Variants in TMEM116 observed in about 807,000 individuals in gnomAD.
TMEM116 encodes the protein transmembrane protein 116.
A neutral mutation model predicts 44.3 loss-of-function variants in TMEM116; 38 were observed. That is an observed-to-expected ratio of 0.86 (90% CI 0.66 to 1.12). TMEM116 has a LOEUF of 1.12. TMEM116 is among the 50% of genes most tolerant of loss of function. The pLI is 0.00. For synonymous variants in TMEM116, 132 were observed against 144.8 expected (o/e 0.91, Z 0.64); for missense variants, 354 against 401.7 (o/e 0.88, Z 1.01).
At chr12:111,966,009 T>C (rs12306814) in intron 4 of TMEM116, among the ~76,000 whole-genome samples, 29,841 of 151,254 alleles carry the variant, frequency 0.2, 3,146 homozygotes, top group Middle Eastern at 0.28. Context: ...CCTCATTTGT[T>C]TAAGAAGAAA....
intron 4 of TMEM116, among the ~76,000 whole-genome samples, chr12:111,952,728 C>T (rs535994953): frequency 6.6e-6 from 1 of 152,294 alleles, no homozygotes; most frequent in East Asian, 1.9e-4. Context: ...GTACTGGATG[C>T]TTCCTCTTCT....
rs2072326858 is a variant in TMEM116 at position 111,938,166 on chromosome 12, G to A, written c.360C>T (p.Phe120=). The change falls in exon 6 of 11, where the codon TTC becomes TTT. Residue 120 remains phenylalanine (F), a synonymous_variant. Transcript: ENST00000552374. ...TCRVCQMAFV[F]SSLIPLLLMT... is the part of the protein sequence containing the mutation. ...AAGTAAAGAAAAAATTTTACCTTGA[G>A]AAAACAAAGGCCATTTGACAAACTC... 7.5e-6 allele frequency: 12 copies of A among 1,594,984 alleles called. No individual in the cohort carries two copies. The highest frequency in any genetic ancestry group is 1.0e-5 in the Non-Finnish European group (12 of 1,171,876).
intron 4 of TMEM116, 120 bp downstream of exon 4, chr12:111,991,638 G>T: frequency 2.0e-6 from 2 of 987,454 alleles, no homozygotes; most frequent in Non-Finnish European, 2.7e-6. Context: ...AAAAGCTATT[G>T]TTTCAAAATG....
chr12:111,991,593 T>C (rs1352883146), intron 4 of TMEM116, among the ~76,000 whole-genome samples, 165 bp downstream of exon 4: 1 of 152,064 alleles, frequency 6.6e-6, no homozygotes, highest in East Asian at 1.9e-4. Flanking sequence ...TTTCAAAATA[T>C]TCTATAATAT....
At chr12:111,987,683 CA>C (rs533656981) in intron 4 of TMEM116, among the ~76,000 whole-genome samples, 86 of 152,028 alleles carry the variant, frequency 5.7e-4, no homozygotes, top group Middle Eastern at 3.4e-3. Flanking sequence ...ACTTAAAAAA[CA>C]AAAAAACAGC....
chr12:111,996,438 C>T (rs1243966724), intron 3 of TMEM116, among the ~76,000 whole-genome samples: 1 of 151,776 alleles, frequency 6.6e-6, no homozygotes, highest in Non-Finnish European at 1.5e-5. Context: ...GCAAATATGC[C>T]CTACTTTATT....
intron 4 of TMEM116, among the ~76,000 whole-genome samples, chr12:111,968,992 C>CAAAAAAA (rs1176204219): frequency 4.4e-5 from 2 of 45,156 alleles, no homozygotes; most frequent in Non-Finnish European, 9.0e-5. Context: ...GACTCTATCT[C>CAAAAAAA]AAAAAAAAAA....
In TMEM116 at chr12:112,005,183, G is replaced by A. The variant is rs941544833; in HGVS notation, c.14+74C>T. ...AAGAGTAAAAGCAAATCCCCAAGGG[G>A]GAAATGTGGAAAACTACAGAATTGA... On this transcript the variant is annotated intron_variant, in intron 2 of 10. Transcript: ENST00000552374. 4.9e-6 allele frequency: 5 copies of A among 1,019,218 alleles called. No homozygotes were observed. In the African/African-American group the frequency reaches 5.2e-5, roughly 11 times the overall value. The allele number at this position is 1,019,218 out of a possible 1,614,324, so 63.1% of individuals were successfully genotyped here.
At chr12:111,984,323 G>T (rs1430423677) in intron 4 of TMEM116, among the ~76,000 whole-genome samples, 11 of 152,008 alleles carry the variant, frequency 7.2e-5, no homozygotes, top group Admixed American at 7.2e-4. Flanking sequence ...GGCACAGAAA[G>T]GCAACCATCG....
chr12:111,968,131 T>C (rs1382481710), intron 4 of TMEM116, among the ~76,000 whole-genome samples: 1 of 152,284 alleles, frequency 6.6e-6, no homozygotes, highest in East Asian at 1.9e-4. Context: ...TTGCAAGATC[T>C]ACTGACTGGC....
rs1465753696 is a variant in TMEM116, at chr12:111,991,851, G to A, written c.117C>T (p.Leu39=). The A allele has an allele frequency of 1.3e-6, 2 of 1,536,088 alleles. No individual in the cohort carries two copies. The highest frequency in any genetic ancestry group is 2.0e-5 in the Admixed American group (1 of 50,968). The change falls in exon 4 of 11, where the codon CTC becomes CTT. Residue 39 remains leucine (L), a synonymous_variant. Coordinates refer to ENST00000552374, the MANE Select transcript of TMEM116 (RefSeq NM_001193531.2). ...TCTCCGTGAGCCAGCAAAGTCCCAG[G>A]AGCAGGTCACAGAAGCTCAGATAAA... The part of the protein sequence containing the change: ...PLFYLSFCDL[L]LGLCWLTETL...
intron 4 of TMEM116, among the ~76,000 whole-genome samples, chr12:111,987,415 G>A (rs1312164052): frequency 1.3e-5 from 2 of 151,280 alleles, no homozygotes; most frequent in Non-Finnish European, 2.9e-5. Flanking sequence ...TGAGGCAGGA[G>A]AATCACTAGA....
In TMEM116 at chr12:111,939,880, C is replaced by CTGTGTGTGTGTGTGTG. The variant is rs61322648; in HGVS notation, c.316-1686_316-1671dup. Among the ~76,000 whole-genome samples, 103 of 130,454 alleles carry CTGTGTGTGTGTGTGTG rather than the reference C, an allele frequency of 7.9e-4. 1 individual carries two copies. The highest frequency in any genetic ancestry group is 1.4e-3 in the African/African-American group (49 of 35,044). 85.6% of individuals were successfully genotyped at this position (130,454 alleles called of 152,430 possible). Reference sequence around the variant, plus strand: ...AAGAAGAAAAAGTATCTTCAAAGCTCTGTGTGTGTGTGTGTGTGTGTGTGT... The same window carrying CTGTGTGTGTGTGTGTG: ...AAGAAGAAAAAGTATCTTCAAAGCTCTGTGTGTGTGTGTGTGTGTGTGTGTGTGTGTGTGTGTGTGT... On this transcript the variant is annotated intron_variant, in intron 5 of 10. Transcript: ENST00000552374.
At chr12:111,939,079 A>G (rs1013807865) in intron 5 of TMEM116, among the ~76,000 whole-genome samples, 1 of 152,098 alleles carries the variant, frequency 6.6e-6, no homozygotes, top group Admixed American at 6.5e-5. Context: ...TCCCTTCTTC[A>G]CTTTTTATTC....
chr12:112,004,316 C>T (rs532999524), intron 2 of TMEM116, among the ~76,000 whole-genome samples: 3 of 151,564 alleles, frequency 2.0e-5, no homozygotes, highest in African/African-American at 4.8e-5. Flanking sequence ...GCAGGGTCTC[C>T]TTCTGTCACC....
rs1485677475 is a variant in TMEM116 at position 111,974,139 on chromosome 12, A to C, written c.210+17619T>G. 1.3e-5 allele frequency among the ~76,000 whole-genome samples: 2 copies of C among 152,054 alleles called. 1 individual carries two copies. Among genetic ancestry groups the C allele is most frequent in the South Asian group, 4.1e-4 (2 of 4,828 alleles). On this transcript the variant is annotated intron_variant, in intron 4 of 10. Transcript: ENST00000552374. Reference sequence around the variant, plus strand: ...TATAACATCCATTCTCAATTTTAAAAACAGAGAAAAAAAAAAACTCTCACC... The same window carrying C: ...TATAACATCCATTCTCAATTTTAAACACAGAGAAAAAAAAAAACTCTCACC...
chr12:111,984,475 A>G (rs1225161374), intron 4 of TMEM116, among the ~76,000 whole-genome samples: 2 of 152,122 alleles, frequency 1.3e-5, no homozygotes, highest in East Asian at 3.8e-4. Context: ...TACAAAAAAT[A>G]TATATAGTAA....
At position 111,931,622 on chromosome 12, in the gene TMEM116, CA is replaced by C; in HGVS notation, c.1012del (p.Ter338GlufsTer16). ...TFPASTSTIF[*>X] ...CCTGGATGTTCCAGTATTGTAGTTT[CA>C]AAAAATGGTAGAAGTACTGGCAGGA... On this transcript the variant is annotated frameshift_variant and stop_lost, in exon 11 of 11. Transcript: ENST00000552374. LOFTEE classifies it high-confidence loss of function. 1 of 1,613,728 alleles carries C rather than the reference CA, an allele frequency of 6.2e-7. No homozygotes were observed. The highest frequency in any genetic ancestry group is 8.5e-7 in the Non-Finnish European group (1 of 1,179,718).
At position 111,933,868 on chromosome 12, in the gene TMEM116, T is replaced by G. The variant is rs773043961; in HGVS notation, c.733+18A>C. ...AACTGCCCTCTTCACTGCCCATCTCTTCTTGTTAAGTACCTACCTGGGCCC... is the reference window on the plus strand; with the variant it reads ...AACTGCCCTCTTCACTGCCCATCTCGTCTTGTTAAGTACCTACCTGGGCCC... On this transcript the variant is annotated intron_variant, in intron 9 of 10. Transcript: ENST00000552374. The G allele has an allele frequency of 6.2e-7, 1 of 1,613,454 alleles. No individual in the cohort carries two copies. Among genetic ancestry groups the G allele is most frequent in the Non-Finnish European group, 8.5e-7 (1 of 1,179,794 alleles).
Sources: gnomAD v4.1 joint callset for allele counts (sites outside exome capture counted in the v4.1 genomes callset) on GRCh38, gnomAD v4.1.1 for gene constraint, MANE v1.5 for transcripts, NCBI Gene and HGNC (gene_info 2026-07-23, HGNC 2026-07-21) for gene names.